The following POLN variants were observed in gnomAD, a reference collection of about 807,000 sequenced individuals.
POLN encodes the protein DNA polymerase N.
A neutral mutation model predicts 113.5 loss-of-function variants in POLN; 108 were observed. The observed-to-expected ratio is 0.95, with a 90% CI of 0.81 to 1.12. The LOEUF (loss-of-function observed/expected upper bound fraction) is 1.12. Ranked by LOEUF, POLN falls within the 50% of genes most tolerant of loss-of-function variation. The probability of loss-of-function intolerance (pLI) is 0.00; values close to 1 mark genes in which losing one functional copy is unlikely to be tolerated. For synonymous variants in POLN, 386 were observed against 391.5 expected, an observed-to-expected ratio of 0.99 and a Z score of 0.17; for missense variants, 1,097 against 1,077.1, an observed-to-expected ratio of 1.02 and a Z score of -0.26.
At chr4:2,115,636 AT>A (rs1001898623) in intron 19 of POLN, among the ~76,000 whole-genome samples, 51 of 152,280 alleles carry the variant, frequency 3.3e-4, no homozygotes, top group Admixed American at 3.3e-3. Context: ...ACTTAGAAAA[AT>A]TATTATATGC....
chr4:2,078,632 C>G, intron 23 of POLN: 2 of 985,474 alleles, frequency 2.0e-6, no homozygotes, highest in Non-Finnish European at 2.4e-6. Flanking sequence ...AGCCTGCACC[C>G]GTCCCTTCCA....
intron 21 of POLN, among the ~76,000 whole-genome samples, chr4:2,083,814 G>T (rs1404618463): frequency 2.0e-5 from 3 of 152,282 alleles, no homozygotes; most frequent in African/African-American, 7.2e-5. Flanking sequence ...ACCTGGCATA[G>T]AAAGGTGTGT....
intron 16 of POLN, 75 bp from the exon 17 acceptor site, chr4:2,131,365 A>C: frequency 1.0e-6 from 1 of 960,418 alleles, no homozygotes. Flanking sequence ...TTTAATGTAC[A>C]TCACATTTTA....
intron 19 of POLN, among the ~76,000 whole-genome samples, chr4:2,098,916 GCGCA>G (rs1304327877): frequency 1.7e-3 from 81 of 48,138 alleles, no homozygotes; most frequent in Admixed American, 9.7e-3. Context: ...GCACGTGCGT[GCGCA>G]CACACACACA....
intron 2 of POLN, chr4:2,239,028 T>G (rs146796915): frequency 1.3e-6 from 2 of 1,532,052 alleles, no homozygotes; most frequent in African/African-American, 2.8e-5. Context: ...GCATCCAAAT[T>G]TTCTTTGTCC....
intron 20 of POLN, among the ~76,000 whole-genome samples, chr4:2,087,188 G>C (rs1190526518): frequency 6.6e-6 from 1 of 152,222 alleles, no homozygotes; most frequent in Non-Finnish European, 1.5e-5. Context: ...TGATGAACTG[G>C]CACCATTTGG....
At chr4:2,187,654 C>G (rs1027517370) in intron 7 of POLN, among the ~76,000 whole-genome samples, 5 of 152,148 alleles carry the variant, frequency 3.3e-5, no homozygotes, top group Non-Finnish European at 7.4e-5. Flanking sequence ...CCCTATATTA[C>G]ACTACACATA....
intron 8 of POLN, among the ~76,000 whole-genome samples, chr4:2,176,967 A>T (rs1226383576): frequency 6.6e-6 from 1 of 152,144 alleles, no homozygotes; most frequent in Non-Finnish European, 1.5e-5. Context: ...ACTCAGACCC[A>T]ATTTTCTGCT....
chr4:2,144,709 C>T (rs17132259), intron 16 of POLN, among the ~76,000 whole-genome samples: 11,147 of 152,208 alleles, frequency 0.073, 565 homozygotes, highest in East Asian at 0.25. Context: ...ATTTAGCACT[C>T]GATAACTAAG....
chr4:2,110,145 T>C lies in POLN; in HGVS notation c.1983-14212A>G, dbSNP rs893354638. Among the ~76,000 whole-genome samples the C allele has an allele frequency of 2.0e-5, 3 of 152,152 alleles. No individual in the cohort carries two copies. The East Asian group carries it at 5.8e-4, about 29-fold the overall frequency. On this transcript the variant is annotated intron_variant, in intron 19 of 25. Transcript: ENST00000511885. Reference sequence around the variant, plus strand: ...AACCTGCTCCTGAATGACTCCTGGGTACATAACGAAATGAAGGCAGAAATA... The same window carrying C: ...AACCTGCTCCTGAATGACTCCTGGGCACATAACGAAATGAAGGCAGAAATA...
chr4:2,078,069 G>T (rs979751513), intron 23 of POLN, among the ~76,000 whole-genome samples: 9 of 152,234 alleles, frequency 5.9e-5, no homozygotes, highest in Non-Finnish European at 1.3e-4. Flanking sequence ...GGCCTGCAGG[G>T]GCAGCTCCCT....
Position 2,214,198 on chromosome 4 carries a change from T to C in POLN, c.134-1072A>G, listed in dbSNP as rs150882835. 1.9e-3 allele frequency among the ~76,000 whole-genome samples: 284 copies of C among 151,596 alleles called. 1 individual carries two copies. Among genetic ancestry groups the C allele is most frequent in the African/African-American group, 6.7e-3 (275 of 41,254 alleles). ...TTGCAGTGAGCCGAGATTGCGCCAC[T>C]GCACTCCAGCCTGGGTTACAGGGCA... On this transcript the variant is annotated intron_variant, in intron 3 of 25. Transcript: ENST00000511885.
At chr4:2,198,883 A>G (rs1486989566) in intron 5 of POLN, among the ~76,000 whole-genome samples, 166 bp from the exon 6 acceptor site, 1 of 152,174 alleles carries the variant, frequency 6.6e-6, no homozygotes, top group Admixed American at 6.5e-5. Context: ...CCATGACCTT[A>G]TGCTCGAAAT....
chr4:2,226,879 T>C (rs1044775461), intron 3 of POLN, among the ~76,000 whole-genome samples: 2 of 152,234 alleles, frequency 1.3e-5, no homozygotes, highest in Non-Finnish European at 2.9e-5. Flanking sequence ...CAGCTCAGTA[T>C]TTCACAAGAA....
At chr4:2,081,781 A>T (rs1345784563) in intron 21 of POLN, 38 bp from the exon 22 acceptor site, 43 of 1,566,582 alleles carry the variant, frequency 2.7e-5, no homozygotes, top group Non-Finnish European at 3.7e-5. Flanking sequence ...AGGGACAGAA[A>T]CAGGCACCAC....
At chr4:2,149,777 C>T (rs1000451277) in intron 16 of POLN, among the ~76,000 whole-genome samples, 2 of 151,930 alleles carry the variant, frequency 1.3e-5, no homozygotes. Context: ...CAGAGTGAGA[C>T]CTGTGTCTAA....
intron 15 of POLN, 142 bp from the exon 16 acceptor site, chr4:2,156,995 G>T: frequency 1.5e-6 from 1 of 684,322 alleles, no homozygotes; most frequent in Admixed American, 2.6e-5. Flanking sequence ...TTCCAACCCT[G>T]AAATGTCCTT....
At chr4:2,132,892 T>A (rs1294998846) in intron 16 of POLN, among the ~76,000 whole-genome samples, 2 of 152,234 alleles carry the variant, frequency 1.3e-5, no homozygotes, top group Admixed American at 6.5e-5. Flanking sequence ...ACTTCAGGAA[T>A]GAAAGATGAG....
intron 13 of POLN, among the ~76,000 whole-genome samples, chr4:2,164,983 G>A (rs1298009578): frequency 1.3e-5 from 2 of 152,048 alleles, no homozygotes; most frequent in Non-Finnish European, 2.9e-5. Context: ...TGGTGGGAAT[G>A]CAAAATGGTG....
Sources: allele counts gnomAD v4.1 joint callset (sites outside exome capture counted in the v4.1 genomes callset), GRCh38; gene constraint gnomAD v4.1.1; transcripts MANE v1.5; gene names NCBI Gene and HGNC (gene_info 2026-07-23, HGNC 2026-07-21).